Variants in LYPLA1 observed in about 807,000 individuals in gnomAD.
LYPLA1 encodes lysophospholipase 1.
A neutral mutation model predicts 34.0 loss-of-function variants in LYPLA1; 17 were observed. The observed-to-expected ratio is 0.50, with a 90% CI of 0.34 to 0.75. The LOEUF (loss-of-function observed/expected upper bound fraction) is 0.75, where lower values mean the gene tolerates loss of function less well. Ranked by LOEUF, LYPLA1 falls within the 30% of genes least tolerant of loss-of-function variation. LYPLA1 has a pLI of 0.01. For missense variants in LYPLA1, 203 were observed against 288.8 expected (o/e 0.70, Z 2.15); for synonymous variants, 98 against 100.8 (o/e 0.97, Z 0.17).
At chr8:54,081,090 C>G (rs756385058) in intron 2 of LYPLA1, among the ~76,000 whole-genome samples, 2 of 152,100 alleles carry the variant, frequency 1.3e-5, no homozygotes, top group African/African-American at 2.4e-5. Context: ...CTTTATAGTT[C>G]AAAGGCCTTT....
intron 5 of LYPLA1, among the ~76,000 whole-genome samples, chr8:54,056,629 G>A (rs995625853): frequency 6.6e-6 from 1 of 151,864 alleles, no homozygotes; most frequent in African/African-American, 2.4e-5. Context: ...CAAAAAATGG[G>A]CCAGGCCGGG....
At chr8:54,097,176 C>T (rs1023637351) in intron 2 of LYPLA1, among the ~76,000 whole-genome samples, 5 of 152,142 alleles carry the variant, frequency 3.3e-5, no homozygotes, top group South Asian at 2.1e-4. Context: ...TAACTGCAGT[C>T]GAGACCTGGA....
chr8:54,093,028 C>A (rs952524083), intron 2 of LYPLA1, among the ~76,000 whole-genome samples: 11 of 152,120 alleles, frequency 7.2e-5, no homozygotes, highest in African/African-American at 2.7e-4. Flanking sequence ...GTCTTACCAA[C>A]TAACTAGACA....
intron 2 of LYPLA1, among the ~76,000 whole-genome samples, chr8:54,083,332 A>G (rs1211206144): frequency 6.6e-6 from 1 of 152,250 alleles, no homozygotes; most frequent in Non-Finnish European, 1.5e-5. Flanking sequence ...TATTACTCTA[A>G]GCAAATACAG....
At chr8:54,099,051 T>C (rs978932009) in intron 2 of LYPLA1, among the ~76,000 whole-genome samples, 6 of 152,354 alleles carry the variant, frequency 3.9e-5, no homozygotes, top group Admixed American at 2.0e-4. Context: ...ATGGATGTTC[T>C]TGGTATTTTT....
chr8:54,084,962 A>C lies in LYPLA1; in HGVS notation c.101+15946T>G, dbSNP rs553135481. Among the ~76,000 whole-genome samples, 4 of 150,790 alleles carry C rather than the reference A, an allele frequency of 2.7e-5. No homozygotes were observed. The South Asian group carries it at 8.5e-4, about 32-fold the overall frequency. ...AGTCTACCAATCCAATGTTTAAAGAATCCTCCTCTCCCTCTCCCTCTCCCT... is the reference window on the plus strand; with the variant it reads ...AGTCTACCAATCCAATGTTTAAAGACTCCTCCTCTCCCTCTCCCTCTCCCT... On this transcript the variant is annotated intron_variant, in intron 2 of 8. Transcript: ENST00000316963.
chr8:54,074,695 A>G (rs1807760098), intron 2 of LYPLA1, among the ~76,000 whole-genome samples: 1 of 152,274 alleles, frequency 6.6e-6, no homozygotes, highest in Non-Finnish European at 1.5e-5. Flanking sequence ...GCGATGCCCA[A>G]CTTACCAAAT....
intron 2 of LYPLA1, among the ~76,000 whole-genome samples, chr8:54,097,099 T>C (rs2129372391): frequency 6.6e-6 from 1 of 152,158 alleles, no homozygotes; most frequent in East Asian, 1.9e-4. Flanking sequence ...GGGTGAAAGC[T>C]TGATGAACAA....
At chr8:54,077,518 G>A (rs936956879) in intron 2 of LYPLA1, among the ~76,000 whole-genome samples, 19 of 152,114 alleles carry the variant, frequency 1.2e-4, no homozygotes, top group African/African-American at 4.3e-4. Flanking sequence ...AAAGTAGTCT[G>A]GGCACGGTGG....
At chr8:54,070,966 T>A (rs980893229) in intron 2 of LYPLA1, among the ~76,000 whole-genome samples, 1 of 152,120 alleles carries the variant, frequency 6.6e-6, no homozygotes, top group African/African-American at 2.4e-5. Context: ...TCTAAAACCA[T>A]CAAATTACAC....
intron 4 of LYPLA1, among the ~76,000 whole-genome samples, chr8:54,062,527 T>A (rs199677635): frequency 2.7e-5 from 3 of 110,550 alleles, no homozygotes. Flanking sequence ...TTATTTATTT[T>A]TTGAGACGAA....
At chr8:54,056,308 C>T (rs1806201138) in intron 5 of LYPLA1, among the ~76,000 whole-genome samples, 1 of 152,118 alleles carries the variant, frequency 6.6e-6, no homozygotes, top group Non-Finnish European at 1.5e-5. Flanking sequence ...TCACAATAAA[C>T]ACTTAAATCT....
At chr8:54,085,247 C>T (rs1365276567) in intron 2 of LYPLA1, among the ~76,000 whole-genome samples, 1 of 152,140 alleles carries the variant, frequency 6.6e-6, no homozygotes, top group Non-Finnish European at 1.5e-5. Flanking sequence ...CTCGGCATCC[C>T]GAGGTGCCGG....
At chr8:54,048,180 C>T (rs1805599826) in intron 8 of LYPLA1, 62 bp from the exon 9 acceptor site, 3 of 1,003,158 alleles carry the variant, frequency 3.0e-6, no homozygotes, top group Admixed American at 1.8e-5. Context: ...TAAATTCCCA[C>T]TAAAATGCCA....
chr8:54,080,032 T>C (rs1041797907), intron 2 of LYPLA1, among the ~76,000 whole-genome samples: 1 of 152,186 alleles, frequency 6.6e-6, no homozygotes, highest in African/African-American at 2.4e-5. Flanking sequence ...CATTACAGTA[T>C]TATTTCAGCT....
chr8:54,085,821 C>T (rs1442091193), intron 2 of LYPLA1, among the ~76,000 whole-genome samples: 4 of 141,334 alleles, frequency 2.8e-5, no homozygotes, highest in African/African-American at 7.8e-5. Context: ...GGGGGGGCAG[C>T]CCCCGGCCGG....
At chr8:54,086,911 C>T (rs1808834771) in intron 2 of LYPLA1, among the ~76,000 whole-genome samples, 1 of 152,088 alleles carries the variant, frequency 6.6e-6, no homozygotes, top group African/African-American at 2.4e-5. Flanking sequence ...AACTACCAAA[C>T]CAAATCTATC....
At chr8:54,066,682 G>A (rs1455590259) in intron 2 of LYPLA1, among the ~76,000 whole-genome samples, 1 of 151,928 alleles carries the variant, frequency 6.6e-6, no homozygotes, top group East Asian at 1.9e-4. Flanking sequence ...TCAGGAGGCT[G>A]AGGCAGGAGA....
rs962046455 is a variant in LYPLA1, at chr8:54,085,811, G to T, written c.101+15097C>A. 6.3e-5 allele frequency among the ~76,000 whole-genome samples: 9 copies of T among 143,780 alleles called. No individual in the cohort carries two copies. In the South Asian group the frequency reaches 8.6e-4, roughly 14 times the overall value. 94.3% of individuals were successfully genotyped at this position (143,780 alleles called of 152,430 possible). A position where few individuals can be genotyped will look rare whatever the true frequency, so the allele number is the denominator to read the frequency against. On this transcript the variant is annotated intron_variant, in intron 2 of 8. Coordinates refer to ENST00000316963, the MANE Select transcript of LYPLA1 (RefSeq NM_006330.4). ...CCAGCCGCCCCGTCCGCGAGGTGGG[G>T]GGGGGGCAGCCCCCGGCCGGCCAGC...
Sources: allele counts gnomAD v4.1 joint callset (sites outside exome capture counted in the v4.1 genomes callset), GRCh38; gene constraint gnomAD v4.1.1; transcripts MANE v1.5; gene names NCBI Gene and HGNC (gene_info 2026-07-23, HGNC 2026-07-21).